The following CTNNA2 variants were observed in gnomAD, a reference collection of about 807,000 sequenced individuals.
CTNNA2 encodes the protein catenin alpha 2, also known as catenin alpha-2.
Under a neutral mutation model 101.0 loss-of-function variants are expected in CTNNA2, and 42 were observed. That is an observed-to-expected ratio of 0.42 (90% confidence interval 0.32 to 0.54). The LOEUF (loss-of-function observed/expected upper bound fraction) is 0.54, where lower values mean the gene tolerates loss of function less well. CTNNA2 is among the 20% of genes least tolerant of loss of function. CTNNA2 has a pLI of 0.14. For synonymous variants in CTNNA2, 450 were observed against 456.4 expected (o/e 0.99, Z 0.18); for missense variants, 871 against 1,223.1 (o/e 0.71, Z 4.29).
intron 9 of CTNNA2, among the ~76,000 whole-genome samples, chr2:80,476,377 C>T (rs1685730894): frequency 6.6e-6 from 1 of 152,132 alleles, no homozygotes; most frequent in Non-Finnish European, 1.5e-5. Context: ...CAACTTACTT[C>T]TCCAGGGGAA....
At chr2:80,433,126 G>A (rs1387182672) in intron 9 of CTNNA2, among the ~76,000 whole-genome samples, 1 of 152,102 alleles carries the variant, frequency 6.6e-6, no homozygotes, top group Non-Finnish European at 1.5e-5. Context: ...ATCTCAAAAA[G>A]TCAAGTCTTT....
intron 3 of CTNNA2, among the ~76,000 whole-genome samples, chr2:79,343,095 A>G (rs997878646): frequency 1.3e-5 from 2 of 152,204 alleles, no homozygotes; most frequent in Non-Finnish European, 2.9e-5. Flanking sequence ...AAGGTTATTC[A>G]TTATAGAATG....
At chr2:79,439,919 C>T (rs1678758597) in intron 4 of CTNNA2, among the ~76,000 whole-genome samples, 1 of 152,150 alleles carries the variant, frequency 6.6e-6, no homozygotes, top group African/African-American at 2.4e-5. Flanking sequence ...TCCTGAATGA[C>T]TCTTTCCCTT....
At chr2:80,189,548 A>G (rs913234548) in intron 7 of CTNNA2, among the ~76,000 whole-genome samples, 1 of 152,220 alleles carries the variant, frequency 6.6e-6, no homozygotes, top group African/African-American at 2.4e-5. Context: ...TTGAGTTCCT[A>G]GTAGCCTTCA....
intron 7 of CTNNA2, among the ~76,000 whole-genome samples, chr2:79,951,435 G>A (rs1296122436): frequency 1.3e-5 from 2 of 152,104 alleles, no homozygotes; most frequent in Admixed American, 1.3e-4. Flanking sequence ...CGGTGGCTGA[G>A]GTGGACGGAT....
intron 7 of CTNNA2, among the ~76,000 whole-genome samples, chr2:80,083,265 C>T (rs979304854): frequency 6.6e-5 from 10 of 152,182 alleles, no homozygotes; most frequent in Admixed American, 5.2e-4. Context: ...AACTAGTTTC[C>T]TCAGTACTAG....
intron 7 of CTNNA2, among the ~76,000 whole-genome samples, chr2:79,912,318 G>C (rs894865344): frequency 2.6e-5 from 4 of 152,250 alleles, no homozygotes; most frequent in African/African-American, 9.6e-5. Flanking sequence ...AGGTTGTGGA[G>C]AGAAGCTGTG....
chr2:80,386,958 C>T (rs1443776428), intron 7 of CTNNA2, among the ~76,000 whole-genome samples: 1 of 152,088 alleles, frequency 6.6e-6, no homozygotes, highest in Non-Finnish European at 1.5e-5. Context: ...CCAGGGCTTC[C>T]ATGAGAGACC....
intron 7 of CTNNA2, among the ~76,000 whole-genome samples, chr2:80,151,184 T>G (rs1703671339): frequency 6.6e-6 from 1 of 152,204 alleles, no homozygotes; most frequent in Non-Finnish European, 1.5e-5. Context: ...TTCCTTCCTG[T>G]TTGGTCTATT....
At chr2:79,922,093 G>C (rs1686698006) in intron 7 of CTNNA2, among the ~76,000 whole-genome samples, 1 of 152,162 alleles carries the variant, frequency 6.6e-6, no homozygotes, top group East Asian at 1.9e-4. Context: ...TGGATTCAGA[G>C]ACAGGTATCA....
chr2:80,539,297 A>G (rs1048100998), intron 9 of CTNNA2, among the ~76,000 whole-genome samples: 5 of 138,564 alleles, frequency 3.6e-5, no homozygotes, highest in African/African-American at 8.5e-5. Flanking sequence ...AAAAATAGGC[A>G]TAGGCTCTCC....
At chr2:80,016,032 T>C (rs1694115868) in intron 7 of CTNNA2, among the ~76,000 whole-genome samples, 1 of 152,306 alleles carries the variant, frequency 6.6e-6, no homozygotes, top group East Asian at 1.9e-4. Context: ...CTTGGAAGTC[T>C]CTGGAATTGC....
At chr2:79,692,356 A>G (rs1425916162) in intron 2 of CTNNA2, among the ~76,000 whole-genome samples, 1 of 152,188 alleles carries the variant, frequency 6.6e-6, no homozygotes, top group African/African-American at 2.4e-5. Context: ...TGATCATTAA[A>G]AAGTCAGGAA....
At chr2:79,426,080 T>C (rs1425695795) in intron 4 of CTNNA2, among the ~76,000 whole-genome samples, 4 of 152,138 alleles carry the variant, frequency 2.6e-5, no homozygotes, top group Non-Finnish European at 5.9e-5. Flanking sequence ...TGTTAAGGCT[T>C]TCAGTGTAAA....
chr2:80,079,243 T>C (rs1200220162), intron 7 of CTNNA2, among the ~76,000 whole-genome samples: 2 of 151,976 alleles, frequency 1.3e-5, no homozygotes, highest in Non-Finnish European at 2.9e-5. Flanking sequence ...ACCTGACATA[T>C]AATATTAAAG....
At position 80,099,367 on chromosome 2, in the gene CTNNA2, T is replaced by C. The variant is rs1700394251; in HGVS notation, c.1056+189570T>C. Among the ~76,000 whole-genome samples, 5 of 152,144 alleles carry C rather than the reference T, an allele frequency of 3.3e-5. No individual in the cohort carries two copies. The South Asian group carries it at 1.0e-3, about 31-fold the overall frequency. On this transcript the variant is annotated intron_variant, in intron 7 of 18. Transcript: ENST00000402739. ...CAGACCAAGGGAGGAGATAGTCCTG[T>C]ATCTGCTTAGTTACAACCCTGCATG...
intron 6 of CTNNA2, among the ~76,000 whole-genome samples, chr2:79,896,403 T>A (rs2104248881): frequency 6.6e-6 from 1 of 152,312 alleles, no homozygotes; most frequent in African/African-American, 2.4e-5. Context: ...GACCTAAATG[T>A]ACATATCTAA....
intron 4 of CTNNA2, among the ~76,000 whole-genome samples, chr2:79,412,071 C>G (rs1371344521): frequency 6.6e-6 from 1 of 151,216 alleles, no homozygotes; most frequent in Non-Finnish European, 1.5e-5. Context: ...AAATGGAAAA[C>G]AAAAAAAGGC....
At chr2:79,687,663 T>G in intron 2 of CTNNA2, 1 of 613,256 alleles carries the variant, frequency 1.6e-6, no homozygotes, top group Non-Finnish European at 3.0e-6. Context: ...TGGGTAACTC[T>G]TTTCATGAAA....
Sources: gnomAD v4.1 joint callset for allele counts (sites outside exome capture counted in the v4.1 genomes callset) on GRCh38, gnomAD v4.1.1 for gene constraint, MANE v1.5 for transcripts, NCBI Gene and HGNC (gene_info 2026-07-23, HGNC 2026-07-21) for gene names.